Variants in ZNRF1 observed in about 807,000 individuals in gnomAD.
ZNRF1 encodes the protein zinc and ring finger 1.
ZNRF1 carries 3 observed loss-of-function variants against 18.4 expected under a neutral mutation model. That is an observed-to-expected ratio of 0.16 (90% CI 0.07 to 0.42). The LOEUF (loss-of-function observed/expected upper bound fraction) is 0.42, where lower values mean the gene tolerates loss of function less well. Among genes scored for constraint, ZNRF1 ranks in the 10% least tolerant of loss-of-function variants. The probability of loss-of-function intolerance (pLI) is 0.99; values close to 1 mark genes in which losing one functional copy is unlikely to be tolerated. For synonymous variants in ZNRF1, 157 were observed against 144.2 expected, an observed-to-expected ratio of 1.09 and a Z score of -0.64; for missense variants, 310 against 329.8, an observed-to-expected ratio of 0.94 and a Z score of 0.47.
chr16:75,065,933 T>A (rs1416308897), intron 1 of ZNRF1, among the ~76,000 whole-genome samples: 1 of 152,182 alleles, frequency 6.6e-6, no homozygotes, highest in African/African-American at 2.4e-5. Context: ...CTCAGGTGAC[T>A]TTTTCCAAGT....
At chr16:75,046,140 G>A (rs774436188) in intron 1 of ZNRF1, among the ~76,000 whole-genome samples, 14 of 151,986 alleles carry the variant, frequency 9.2e-5, no homozygotes, top group Non-Finnish European at 1.8e-4. Context: ...CTGACCTCAG[G>A]TGATCTGCCT....
chr16:75,027,062 A>G (rs577662403), intron 1 of ZNRF1, among the ~76,000 whole-genome samples: 6 of 152,178 alleles, frequency 3.9e-5, no homozygotes, highest in Non-Finnish European at 7.4e-5. Flanking sequence ...AGATAAGGAA[A>G]CCAAGACCCA....
At chr16:75,078,261 T>G (rs140239063) in intron 1 of ZNRF1, among the ~76,000 whole-genome samples, 5 of 151,986 alleles carry the variant, frequency 3.3e-5, no homozygotes, top group Non-Finnish European at 5.9e-5. Flanking sequence ...TGGCTGCTTG[T>G]TTTTTTAATT....
At chr16:75,024,346 G>T (rs1308837890) in intron 1 of ZNRF1, among the ~76,000 whole-genome samples, 1 of 152,192 alleles carries the variant, frequency 6.6e-6, no homozygotes, top group Non-Finnish European at 1.5e-5. Context: ...AGCCAAATAT[G>T]TTAGTTGAGA....
chr16:75,001,097 A>T (rs989920832), intron 1 of ZNRF1, among the ~76,000 whole-genome samples: 1 of 152,208 alleles, frequency 6.6e-6, no homozygotes, highest in Non-Finnish European at 1.5e-5. Flanking sequence ...CTATTTGCTA[A>T]TTGGCAAGTT....
intron 1 of ZNRF1, among the ~76,000 whole-genome samples, chr16:75,019,450 G>T (rs2035115637): frequency 6.6e-6 from 1 of 152,022 alleles, no homozygotes; most frequent in South Asian, 2.1e-4. Context: ...TAACTTAATT[G>T]CATGATAATC....
chr16:75,041,020 G>T (rs1653798411), intron 1 of ZNRF1, among the ~76,000 whole-genome samples: 1 of 152,178 alleles, frequency 6.6e-6, no homozygotes, highest in African/African-American at 2.4e-5. Flanking sequence ...ACCACAGTCA[G>T]TCTATCCATT....
At chr16:75,026,832 A>T (rs1482510741) in intron 1 of ZNRF1, among the ~76,000 whole-genome samples, 1 of 152,114 alleles carries the variant, frequency 6.6e-6, no homozygotes, top group African/African-American at 2.4e-5. Flanking sequence ...GCTACTCAGG[A>T]GGCTGAGGCA....
intron 1 of ZNRF1, among the ~76,000 whole-genome samples, chr16:75,077,889 G>C (rs1269197452): frequency 1.3e-5 from 2 of 152,138 alleles, no homozygotes; most frequent in Non-Finnish European, 2.9e-5. Context: ...CTTCTTCTCT[G>C]CCTCTCTCTT....
intron 1 of ZNRF1, among the ~76,000 whole-genome samples, chr16:75,001,372 A>G (rs562034958): frequency 2.0e-5 from 3 of 152,186 alleles, no homozygotes; most frequent in African/African-American, 7.2e-5. Flanking sequence ...GGGAGAAACG[A>G]TTAGTGACTA....
intron 1 of ZNRF1, among the ~76,000 whole-genome samples, chr16:75,017,813 C>A (rs189461003): frequency 3.9e-5 from 6 of 152,292 alleles, no homozygotes; most frequent in Admixed American, 2.0e-4. Context: ...CAGGATGACA[C>A]AAGAATGGCT....
At chr16:75,031,055 C>G (rs2035295995) in intron 1 of ZNRF1, among the ~76,000 whole-genome samples, 1 of 151,562 alleles carries the variant, frequency 6.6e-6, no homozygotes, top group Non-Finnish European at 1.5e-5. Context: ...CCAGGCTCGT[C>G]TTGAACGCCT....
intron 1 of ZNRF1, among the ~76,000 whole-genome samples, chr16:75,070,915 C>T (rs1271289415): frequency 6.6e-6 from 1 of 152,158 alleles, no homozygotes; most frequent in Admixed American, 6.6e-5. Flanking sequence ...TATGCTTTAT[C>T]CATTTGTTCT....
chr16:75,096,382 G>A (rs779281582), intron 2 of ZNRF1, among the ~76,000 whole-genome samples: 9 of 152,198 alleles, frequency 5.9e-5, no homozygotes, highest in South Asian at 2.1e-4. Flanking sequence ...CCCCAGGCAC[G>A]CCCAGGGCCT....
At position 75,049,389 on chromosome 16, in the gene ZNRF1, C is replaced by T. The variant is rs181884066; in HGVS notation, c.425-44183C>T. Among the ~76,000 whole-genome samples, 47 of 152,008 alleles carry T rather than the reference C, an allele frequency of 3.1e-4. No individual in the cohort carries two copies. In the South Asian group the frequency reaches 4.1e-3, roughly 13 times the overall value. On this transcript the variant is annotated intron_variant, in intron 1 of 4. Coordinates refer to ENST00000335325, the MANE Select transcript of ZNRF1 (RefSeq NM_032268.5). ...GTTGCCCAGGCTGGGTGCAGTAGCA[C>T]GATCATAGCTTACTGCAGCCTCAGC... is the stretch of plus-strand genomic sequence containing the variant.
intron 1 of ZNRF1, among the ~76,000 whole-genome samples, chr16:75,051,937 C>T (rs754663274): frequency 6.6e-6 from 1 of 152,130 alleles, no homozygotes; most frequent in Non-Finnish European, 1.5e-5. Context: ...CATCTGTATA[C>T]TTATCTTTAA....
chr16:75,068,485 G>A (rs2035831386), intron 1 of ZNRF1, among the ~76,000 whole-genome samples: 1 of 152,106 alleles, frequency 6.6e-6, no homozygotes, highest in African/African-American at 2.4e-5. Flanking sequence ...GTCGGGAGTG[G>A]CACTCTGATC....
intron 1 of ZNRF1, among the ~76,000 whole-genome samples, chr16:75,032,688 T>C (rs1349368505): frequency 2.0e-5 from 3 of 152,136 alleles, no homozygotes; most frequent in African/African-American, 4.8e-5. Context: ...TATAAAAATG[T>C]CTTACAACTC....
intron 1 of ZNRF1, among the ~76,000 whole-genome samples, chr16:75,089,197 G>A (rs1394592534): frequency 6.6e-6 from 1 of 152,036 alleles, no homozygotes; most frequent in East Asian, 1.9e-4. Flanking sequence ...CAACCTCCTG[G>A]GCTCAAGCGA....
Sources: allele counts gnomAD v4.1 joint callset (sites outside exome capture counted in the v4.1 genomes callset), GRCh38; gene constraint gnomAD v4.1.1; transcripts MANE v1.5; gene names NCBI Gene and HGNC (gene_info 2026-07-23, HGNC 2026-07-21).